The following MYO1D variants were observed in gnomAD, a reference collection of about 807,000 sequenced individuals.
The protein encoded by MYO1D is unconventional myosin-Id.
Under a neutral mutation model 122.0 loss-of-function variants are expected in MYO1D, and 83 were observed. The ratio of observed to expected loss-of-function variants is 0.68; its 90% CI spans 0.57 to 0.82. The LOEUF is 0.82. Ranked by LOEUF, MYO1D falls within the 40% of genes least tolerant of loss-of-function variation. MYO1D has a pLI of 0.00. For synonymous variants in MYO1D, 464 were observed against 446.9 expected, an observed-to-expected ratio of 1.04 and a Z score of -0.48; for missense variants, 1,157 against 1,269.5, an observed-to-expected ratio of 0.91 and a Z score of 1.35.
chr17:32,712,669 T>TA lies in MYO1D; in HGVS notation c.1914-475dup, dbSNP rs555046414. ...AAAGGAAATCAAGCAGATCTCTAGA[T>TA]AAAAAAACTATTATAACTAAAAGAA... On this transcript the variant is annotated intron_variant, in intron 15 of 21. Coordinates refer to ENST00000318217, the MANE Select transcript of MYO1D (RefSeq NM_015194.3). 2.5e-3 allele frequency among the ~76,000 whole-genome samples: 378 copies of TA among 152,254 alleles called. 4 individuals carry two copies. Among genetic ancestry groups the TA allele is most frequent in the African/African-American group, 7.0e-3 (289 of 41,548 alleles).
At chr17:32,504,615 A>T (rs1038234967) in intron 21 of MYO1D, 1 of 152,124 alleles carries the variant, frequency 6.6e-6, no homozygotes, top group African/African-American at 2.4e-5. Flanking sequence ...CTCCTTAAAT[A>T]CTGCTTCATC....
At chr17:32,683,345 T>C (rs1405253496) in intron 16 of MYO1D, among the ~76,000 whole-genome samples, 1 of 152,166 alleles carries the variant, frequency 6.6e-6, no homozygotes, top group African/African-American at 2.4e-5. Context: ...GAGTTTCCAG[T>C]TTTTCTGTTC....
At chr17:32,508,854 G>A (rs192061438) in intron 21 of MYO1D, among the ~76,000 whole-genome samples, 13 of 152,334 alleles carry the variant, frequency 8.5e-5, no homozygotes, top group African/African-American at 3.1e-4. Context: ...ATCATTAGCC[G>A]TGGTCCCTGT....
chr17:32,796,888 G>A (rs1164081296), intron 1 of MYO1D, among the ~76,000 whole-genome samples: 1 of 152,114 alleles, frequency 6.6e-6, no homozygotes, highest in Non-Finnish European at 1.5e-5. Context: ...TGGACGACAG[G>A]AAACCTAAAC....
Position 32,766,967 on chromosome 17 carries a change from A to T in MYO1D, c.831+669T>A, listed in dbSNP as rs536055885. ...ATAATATTTTTCATAAAGATCCTGC[A>T]CATTTCTGATTCATTTAGAGTTAAA... On this transcript the variant is annotated intron_variant, in intron 7 of 21. Transcript: ENST00000318217. Among the ~76,000 whole-genome samples the T allele has an allele frequency of 3.7e-3, 563 of 152,360 alleles. 5 individuals carry two copies. The highest frequency in any genetic ancestry group is 5.6e-3 in the Non-Finnish European group (379 of 68,032).
At chr17:32,550,701 A>C (rs1358697404) in intron 21 of MYO1D, among the ~76,000 whole-genome samples, 1 of 152,214 alleles carries the variant, frequency 6.6e-6, no homozygotes, top group Non-Finnish European at 1.5e-5. Flanking sequence ...TAGAAATAGG[A>C]GTAATAAAAG....
intron 16 of MYO1D, among the ~76,000 whole-genome samples, chr17:32,670,044 C>T (rs549017354): frequency 2.6e-4 from 40 of 152,104 alleles, no homozygotes; most frequent in African/African-American, 9.2e-4. Context: ...CAGGTGTGCA[C>T]CATCATGCCT....
chr17:32,743,616 A>G (rs1443980659), intron 13 of MYO1D, among the ~76,000 whole-genome samples: 3 of 150,430 alleles, frequency 2.0e-5, no homozygotes, highest in Middle Eastern at 3.2e-3. Flanking sequence ...TATTATTGTT[A>G]TTATTATTAT....
At chr17:32,699,047 A>G (rs2089211059) in intron 16 of MYO1D, among the ~76,000 whole-genome samples, 1 of 152,096 alleles carries the variant, frequency 6.6e-6, no homozygotes, top group Admixed American at 6.5e-5. Flanking sequence ...GGCTCACTGC[A>G]ACCTCTGCCT....
rs570804138 is a variant in MYO1D, at chr17:32,559,666, A to G, written c.2864+45421T>C. Among the ~76,000 whole-genome samples, 27 of 152,340 alleles carry G rather than the reference A, an allele frequency of 1.8e-4. No homozygotes were observed. The East Asian group carries it at 3.1e-3, about 17-fold the overall frequency. ...TGATTTGTGAATCATTCTTTGCTCA[A>G]TTAAACTCTGTTAAATTTAATTTGC... On this transcript the variant is annotated intron_variant, in intron 21 of 21. Transcript: ENST00000318217.
chr17:32,594,043 G>A (rs1477665009), intron 21 of MYO1D, among the ~76,000 whole-genome samples: 1 of 152,194 alleles, frequency 6.6e-6, no homozygotes, highest in Non-Finnish European at 1.5e-5. Context: ...CCTTCTTATA[G>A]CCCACTTCTT....
chr17:32,753,552 G>T (rs62070162), intron 11 of MYO1D, among the ~76,000 whole-genome samples: 1 of 152,202 alleles, frequency 6.6e-6, no homozygotes, highest in Non-Finnish European at 1.5e-5. Context: ...TTACTATTTA[G>T]CATTTCATGT....
Position 32,745,249 on chromosome 17 carries a change from A to G in MYO1D, c.1575T>C (p.Asp525=), listed in dbSNP as rs776885181. Reference sequence around the variant, plus strand: ...GGCGCTTGAAATCTTGAAATAAAGTATCTTTATTTTTGTCAATAAAACCAA... The same window carrying G: ...GGCGCTTGAAATCTTGAAATAAAGTGTCTTTATTTTTGTCAATAAAACCAA... ...SVIGFIDKNK[D]TLFQDFKRLM... is the part of the protein sequence containing the mutation. The change falls in exon 13 of 22, where the codon GAT becomes GAC. Residue 525 remains aspartate (D), a synonymous_variant. Coordinates refer to ENST00000318217, the MANE Select transcript of MYO1D (RefSeq NM_015194.3). 2 of 1,548,550 alleles carry G rather than the reference A, an allele frequency of 1.3e-6. No homozygotes were observed. Among genetic ancestry groups the G allele is most frequent in the East Asian group, 2.3e-5 (1 of 44,398 alleles).
At chr17:32,659,425 A>G in intron 16 of MYO1D, 87 bp from the exon 17 acceptor site, 4 of 1,359,134 alleles carry the variant, frequency 2.9e-6, no homozygotes, top group Non-Finnish European at 4.1e-6. Flanking sequence ...CTCTACTTAC[A>G]AACTCAACCA....
chr17:32,834,219 A>C (rs999587784), intron 1 of MYO1D, among the ~76,000 whole-genome samples: 2 of 152,234 alleles, frequency 1.3e-5, no homozygotes, highest in African/African-American at 2.4e-5. Context: ...CAGAAGTCCC[A>C]GAATTGTCAT....
chr17:32,726,669 A>G (rs1598043670), intron 14 of MYO1D, among the ~76,000 whole-genome samples: 9 of 149,316 alleles, frequency 6.0e-5, no homozygotes, highest in Admixed American at 3.4e-4. Context: ...GCTATAGGTA[A>G]TATAGATACA....
intron 3 of MYO1D, among the ~76,000 whole-genome samples, chr17:32,778,155 C>A (rs368670736): frequency 6.6e-6 from 1 of 152,082 alleles, no homozygotes; most frequent in Non-Finnish European, 1.5e-5. Context: ...GCTCTGCTGA[C>A]CACATTTAAG....
At chr17:32,581,998 G>A (rs866632784) in intron 21 of MYO1D, among the ~76,000 whole-genome samples, 1 of 152,022 alleles carries the variant, frequency 6.6e-6, no homozygotes, top group Non-Finnish European at 1.5e-5. Context: ...CTCCTGACCT[G>A]TCTTGGACAG....
intron 1 of MYO1D, among the ~76,000 whole-genome samples, chr17:32,845,797 G>A (rs1316916221): frequency 6.6e-6 from 1 of 152,182 alleles, no homozygotes; most frequent in Non-Finnish European, 1.5e-5. Flanking sequence ...CATCATCACA[G>A]AACTGATGTG....
Sources: allele counts gnomAD v4.1 joint callset (sites outside exome capture counted in the v4.1 genomes callset), GRCh38; gene constraint gnomAD v4.1.1; transcripts MANE v1.5; gene names NCBI Gene and HGNC (gene_info 2026-07-23, HGNC 2026-07-21).